Variants in COL15A1 observed in about 807,000 individuals in gnomAD.
COL15A1 encodes collagen alpha-1(XV) chain.
COL15A1 carries 111 observed loss-of-function variants against 165.9 expected under a neutral mutation model. The observed-to-expected ratio is 0.67, with a 90% CI of 0.57 to 0.78. The LOEUF is 0.78. COL15A1 is among the 30% of genes least tolerant of loss of function. The pLI is 0.00. For missense variants in COL15A1, 1,745 were observed against 1,789.7 expected, an observed-to-expected ratio of 0.98 and a Z score of 0.45; for synonymous variants, 659 against 674.8, an observed-to-expected ratio of 0.98 and a Z score of 0.36.
chr9:99,024,747 G>A, intron 14 of COL15A1, 127 bp from the exon 15 acceptor site: 1 of 1,101,894 alleles, frequency 9.1e-7, no homozygotes. Flanking sequence ...TTCCGCATCT[G>A]CTAAGTGGGA....
intron 39 of COL15A1, among the ~76,000 whole-genome samples, chr9:99,063,549 G>T (rs1476999923): frequency 1.3e-5 from 2 of 152,222 alleles, no homozygotes; most frequent in African/African-American, 4.8e-5. Context: ...GGTTTCAAGG[G>T]TCTGCAAGCC....
At chr9:98,959,971 A>C (rs987165743) in intron 2 of COL15A1, among the ~76,000 whole-genome samples, 1 of 152,162 alleles carries the variant, frequency 6.6e-6, no homozygotes, top group Non-Finnish European at 1.5e-5. Context: ...TTGACCATGC[A>C]TGTTCCCTTC....
At chr9:98,990,995 CTTCGCGGTGAGTGTTACAACTCTT>C (rs1462699368) in intron 5 of COL15A1, among the ~76,000 whole-genome samples, 1 of 152,034 alleles carries the variant, frequency 6.6e-6, no homozygotes, top group African/African-American at 2.4e-5. Flanking sequence ...AGCTGCAGAC[CTTCGCGGTGAGTGTTACAACTCTT>C]AGGGCAGTGC....
Position 99,070,307 on chromosome 9 carries a change from C to G in COL15A1, c.*421C>G. 4.2e-6 allele frequency: 1 copy of G among 240,910 alleles called. No homozygotes were observed. The highest frequency in any genetic ancestry group is 8.3e-6 in the Non-Finnish European group (1 of 120,198). 14.9% of individuals were successfully genotyped at this position (240,910 alleles called of 1,614,324 possible). On this transcript the variant is annotated 3_prime_UTR_variant, in exon 42 of 42. Transcript: ENST00000375001. ...AATGTTACCCTTTCTAAGTTATATA[C>G]AGATCAAATGCTTTTTTCTTTCACG... is the stretch of plus-strand genomic sequence containing the variant.
chr9:98,971,738 G>A (rs546265716), intron 2 of COL15A1, among the ~76,000 whole-genome samples: 40 of 152,346 alleles, frequency 2.6e-4, no homozygotes, highest in African/African-American at 9.1e-4. Flanking sequence ...AGGGGTCCGC[G>A]TGTGTGCGCA....
intron 23 of COL15A1, 51 bp from the exon 24 acceptor site, chr9:99,041,994 T>A (rs1310200560): frequency 2.6e-6 from 3 of 1,172,814 alleles, no homozygotes; most frequent in Non-Finnish European, 2.5e-6. Context: ...GATTGGTTTA[T>A]GCATTTTAAT....
chr9:98,952,068 C>T (rs1837697618), intron 2 of COL15A1, among the ~76,000 whole-genome samples: 1 of 152,226 alleles, frequency 6.6e-6, no homozygotes, highest in African/African-American at 2.4e-5. Flanking sequence ...CAGGGATGGG[C>T]CTGTCCAACT....
At chr9:99,001,943 A>G (rs576555017) in intron 7 of COL15A1, among the ~76,000 whole-genome samples, 7 of 152,286 alleles carry the variant, frequency 4.6e-5, no homozygotes, top group East Asian at 1.9e-4. Context: ...CTTCCACCCC[A>G]TACAGGTTGC....
intron 2 of COL15A1, among the ~76,000 whole-genome samples, chr9:98,970,924 T>C (rs1445383660): frequency 1.3e-5 from 2 of 152,122 alleles, no homozygotes; most frequent in Non-Finnish European, 2.9e-5. Context: ...CGAAAGTATG[T>C]GTATGAGTGT....
At chr9:99,069,332 A>G (rs2118028665) in intron 41 of COL15A1, among the ~76,000 whole-genome samples, 1 of 152,342 alleles carries the variant, frequency 6.6e-6, no homozygotes, top group African/African-American at 2.4e-5. Context: ...TGAGAATCAG[A>G]GATGGCTTCC....
chr9:99,060,256 A>ATTTTTTTTTT (rs57568579), intron 36 of COL15A1, among the ~76,000 whole-genome samples: 1 of 137,180 alleles, frequency 7.3e-6, no homozygotes, highest in African/African-American at 2.8e-5. Context: ...ATATATATAT[A>ATTTTTTTTTT]TTTTTTTTTT....
chr9:99,066,577 G>T (rs1217196223), intron 39 of COL15A1, among the ~76,000 whole-genome samples: 1 of 133,178 alleles, frequency 7.5e-6, no homozygotes, highest in Non-Finnish European at 1.6e-5. Context: ...TTCTTTATTT[G>T]GTCCAAGCAA....
At chr9:98,983,478 C>G (rs1390624419) in intron 2 of COL15A1, among the ~76,000 whole-genome samples, 2 of 152,190 alleles carry the variant, frequency 1.3e-5, no homozygotes, top group East Asian at 3.8e-4. Flanking sequence ...AGCTGCATAA[C>G]CTCGGGCCAG....
Position 99,034,538 on chromosome 9 carries a change from GT to G in COL15A1, c.2044-4del. On this transcript the variant is annotated splice_polypyrimidine_tract_variant and intron_variant, in intron 16 of 41. Coordinates refer to ENST00000375001, the MANE Select transcript of COL15A1 (RefSeq NM_001855.5). ...TTAATTGGTCCATGTTTTTGTTTTT[GT>G]TTTTTTCAGGGAGCAAGAGGGCCTA... The G allele has an allele frequency of 1.6e-6, 2 of 1,270,440 alleles. No homozygotes were observed. The highest frequency in any genetic ancestry group is 1.0e-6 in the Non-Finnish European group (1 of 990,658). 78.7% of individuals were successfully genotyped at this position (1,270,440 alleles called of 1,614,324 possible).
At position 99,047,833 on chromosome 9, in the gene COL15A1, G is replaced by A; in HGVS notation, c.2727G>A (p.Gly909=). Residue 909 remains glycine (G), a synonymous_variant, in exon 27 of 42, where the codon GGG becomes GGA. Coordinates refer to ENST00000375001, the MANE Select transcript of COL15A1 (RefSeq NM_001855.5). ...ATAAAGGAGAATTTGGCCTTCCCGGGCGACCTGTAGGTATCAGTGTTCATT... is the reference window on the plus strand; with the variant it reads ...ATAAAGGAGAATTTGGCCTTCCCGGACGACCTGTAGGTATCAGTGTTCATT... The part of the protein sequence containing the change: ...PGHKGEFGLP[G]RPGRPGLNGL... 6.2e-7 allele frequency: 1 copy of A among 1,614,022 alleles called. No homozygotes were observed. The highest frequency in any genetic ancestry group is 2.2e-5 in the East Asian group (1 of 44,870).
At chr9:98,970,793 G>T (rs774684800) in intron 2 of COL15A1, among the ~76,000 whole-genome samples, 7 of 152,126 alleles carry the variant, frequency 4.6e-5, no homozygotes, top group Non-Finnish European at 1.0e-4. Flanking sequence ...ATGTGTCAGT[G>T]TGTGAGTTTG....
chr9:99,011,554 A>G (rs539155550), intron 9 of COL15A1, among the ~76,000 whole-genome samples: 1 of 151,962 alleles, frequency 6.6e-6, no homozygotes, highest in South Asian at 2.1e-4. Flanking sequence ...TCATTTCCTG[A>G]TTCCCTTCAC....
chr9:98,989,156 G>A (rs1564031770), intron 4 of COL15A1, 22 bp from the exon 5 acceptor site: 1 of 1,605,376 alleles, frequency 6.2e-7, no homozygotes, highest in Admixed American at 1.7e-5. Context: ...CCCGGTGTGT[G>A]GCACAGTTTG....
At chr9:99,017,743 A>G (rs556257616) in intron 11 of COL15A1, among the ~76,000 whole-genome samples, 1 of 152,236 alleles carries the variant, frequency 6.6e-6, no homozygotes, top group Non-Finnish European at 1.5e-5. Flanking sequence ...AGGTATACAC[A>G]AAGCACCAAG....
Sources: gnomAD v4.1 joint callset for allele counts (sites outside exome capture counted in the v4.1 genomes callset) on GRCh38, gnomAD v4.1.1 for gene constraint, MANE v1.5 for transcripts, NCBI Gene and HGNC (gene_info 2026-07-23, HGNC 2026-07-21) for gene names.